Variants in HIF3A observed in about 807,000 individuals in gnomAD.
HIF3A encodes the protein hypoxia-inducible factor 3-alpha.
In HIF3A, 41 loss-of-function variants were observed where a neutral mutation model predicts 67.2. That is an observed-to-expected ratio of 0.61 (90% CI 0.48 to 0.79). HIF3A has a LOEUF of 0.79. HIF3A is among the 30% of genes least tolerant of loss of function. The pLI, the probability that HIF3A is intolerant of heterozygous loss-of-function variation, is 0.00. For synonymous variants in HIF3A, 356 were observed against 374.8 expected, an observed-to-expected ratio of 0.95 and a Z score of 0.58; for missense variants, 855 against 898.0, an observed-to-expected ratio of 0.95 and a Z score of 0.61.
Position 46,312,527 on chromosome 19 carries a change from T to TA in HIF3A, c.901dup (p.Thr301AsnfsTer76). 1 of 1,614,008 alleles carries TA rather than the reference T, an allele frequency of 6.2e-7. No individual in the cohort carries two copies. Among genetic ancestry groups the TA allele is most frequent in the Non-Finnish European group, 8.5e-7 (1 of 1,179,998 alleles). The stretch of plus-strand genomic sequence containing the variant: ...TCAGTGCTGAGCAAGGGCCAGGCAG[T>TA]AACAGGGCAGTATCGCTTCCTGGCC... On this transcript the variant is annotated frameshift_variant, in exon 8 of 15. Coordinates refer to ENST00000377670, the MANE Select transcript of HIF3A (RefSeq NM_152795.4). LOFTEE classifies it high-confidence loss of function.
rs1023810153 is a variant in HIF3A, at chr19:46,340,618, A to G, written c.*996A>G. On this transcript the variant is annotated 3_prime_UTR_variant, in exon 15 of 15. Transcript: ENST00000377670. ...TGGGTTCAAGTGATTCTCCTGCCTCAACTTCCCAAATAGCCGGGACTACGG... is the reference window on the plus strand; with the variant it reads ...TGGGTTCAAGTGATTCTCCTGCCTCGACTTCCCAAATAGCCGGGACTACGG... The G allele has an allele frequency of 1.3e-5, 2 of 151,954 alleles. No homozygotes were observed. Among genetic ancestry groups the G allele is most frequent in the African/African-American group, 4.8e-5 (2 of 41,292 alleles). The allele number at this position is 151,954 out of a possible 1,614,324, so 9.4% of individuals were successfully genotyped here.
intron 10 of HIF3A, 124 bp from the exon 11 acceptor site, chr19:46,325,411 C>A (rs1970708741): frequency 3.0e-6 from 2 of 664,276 alleles, no homozygotes; most frequent in South Asian, 1.7e-5. Flanking sequence ...TGCCGTTGGA[C>A]CCCCTTTGTG....
chr19:46,326,704 A>G (rs1051751290), intron 11 of HIF3A, among the ~76,000 whole-genome samples: 4 of 152,168 alleles, frequency 2.6e-5, no homozygotes, highest in Non-Finnish European at 4.4e-5. Context: ...GGGACAAGTC[A>G]TCTGTCACCC....
rs181982819 is a variant in HIF3A at position 46,339,685 on chromosome 19, C to T, written c.*63C>T. ...AAAGGACCTCAACCACACTCCACGC[C>T]GGCAGCCAACGCACAGGATGGGGGC... On this transcript the variant is annotated 3_prime_UTR_variant, in exon 15 of 15. Transcript: ENST00000377670. The T allele has an allele frequency of 3.4e-3, 4,125 of 1,223,358 alleles. 15 individuals are homozygous for T. Among genetic ancestry groups the T allele is most frequent in the Non-Finnish European group, 4.5e-3 (3,899 of 870,890 alleles). 75.8% of individuals were successfully genotyped at this position (1,223,358 alleles called of 1,614,324 possible). A position where few individuals can be genotyped will look rare whatever the true frequency, so the allele number is the denominator to read the frequency against.
At chr19:46,300,755 G>A (rs1407386707) in intron 1 of HIF3A, among the ~76,000 whole-genome samples, 1 of 152,204 alleles carries the variant, frequency 6.6e-6, no homozygotes, top group East Asian at 1.9e-4. Context: ...AGTCAGGATT[G>A]GAACCCTGAG....
rs376945631 is a variant in HIF3A, at chr19:46,308,211, T to A, written c.364-10T>A. On this transcript the variant is annotated splice_polypyrimidine_tract_variant and intron_variant, in intron 3 of 14. Transcript: ENST00000377670. The stretch of plus-strand genomic sequence containing the variant: ...CCCTGGTAGACCCCCACCCCTCTCA[T>A]CCCTGGCAGCTGGAGCTCATTGGAC... The A allele has an allele frequency of 6.2e-7, 1 of 1,608,196 alleles. No homozygotes were observed. The highest frequency in any genetic ancestry group is 8.5e-7 in the Non-Finnish European group (1 of 1,174,726).
At chr19:46,323,260 A>G (rs1176302555) in intron 10 of HIF3A, among the ~76,000 whole-genome samples, 1 of 151,858 alleles carries the variant, frequency 6.6e-6, no homozygotes, top group African/African-American at 2.4e-5. Context: ...CATGTTTGTC[A>G]GGCTGGTCTC....
In HIF3A at chr19:46,339,957, A is replaced by G. The variant is rs57235705; in HGVS notation, c.*335A>G. ...GCTTTATTTTGGGGAATCAGGGGTG[A>G]GGAGGGTTGGGGGGGTCATATCTGT... On this transcript the variant is annotated 3_prime_UTR_variant, in exon 15 of 15. Transcript: ENST00000377670. 956 of 259,584 alleles carry G rather than the reference A, an allele frequency of 3.7e-3. 10 individuals carry two copies. The highest frequency in any genetic ancestry group is 0.02 in the African/African-American group (916 of 45,264). The allele number at this position is 259,584 out of a possible 1,614,324, so 16.1% of individuals were successfully genotyped here. A position where few individuals can be genotyped will look rare whatever the true frequency, so the allele number is the denominator to read the frequency against.
intron 6 of HIF3A, among the ~76,000 whole-genome samples, chr19:46,311,000 C>T (rs917141171): frequency 2.0e-5 from 3 of 152,220 alleles, no homozygotes; most frequent in Non-Finnish European, 4.4e-5. Context: ...ATCGGCCCGC[C>T]TCGGCCTCCC....
rs145401391 is a variant in HIF3A at position 46,329,328 on chromosome 19, G to A, written c.1562G>A (p.Arg521Gln). ...CACAGACCTCTGGGGGCTGTCCCCC[G>A]GCCCCGTGCTCGGAGCTTCCATGGC... ...AYHRPLGAVPRPRARSFHGLS... is the reference protein window; with the variant it reads ...AYHRPLGAVPQPRARSFHGLS... The change falls in exon 12 of 15, where the codon CGG becomes CAG. Residue 521 changes from arginine (R) to glutamine (Q), a missense_variant. Physicochemically the swap from Arg to Gln is conservative, Grantham distance 43. Coordinates refer to ENST00000377670, the MANE Select transcript of HIF3A (RefSeq NM_152795.4). 3.2e-5 allele frequency: 51 copies of A among 1,613,102 alleles called. No homozygotes were observed. The highest frequency in any genetic ancestry group is 1.1e-4 in the South Asian group (10 of 91,058).
intron 10 of HIF3A, among the ~76,000 whole-genome samples, chr19:46,322,220 T>G (rs1970423553): frequency 6.6e-6 from 1 of 152,132 alleles, no homozygotes; most frequent in African/African-American, 2.4e-5. Flanking sequence ...CTCCTAATAA[T>G]GCAACAATCG....
At chr19:46,323,769 A>G (rs1046316489) in intron 10 of HIF3A, among the ~76,000 whole-genome samples, 3 of 152,174 alleles carry the variant, frequency 2.0e-5, no homozygotes, top group African/African-American at 4.8e-5. Flanking sequence ...TATGTCTTAC[A>G]TGGCGGCAGG....
At chr19:46,322,692 C>T (rs185940750) in intron 10 of HIF3A, among the ~76,000 whole-genome samples, 26 of 152,268 alleles carry the variant, frequency 1.7e-4, no homozygotes, top group African/African-American at 5.8e-4. Flanking sequence ...CTTCCGGCCT[C>T]GGCCTCCCAG....
chr19:46,309,403 G>A (rs753320728), intron 6 of HIF3A, 44 bp downstream of exon 6: 25 of 1,351,160 alleles, frequency 1.9e-5, no homozygotes, highest in Non-Finnish European at 2.5e-5. Context: ...TTCAAGTGCT[G>A]TTTCCCTCCC....
At chr19:46,329,614 C>A in intron 12 of HIF3A, 136 bp downstream of exon 12, 2 of 1,097,016 alleles carry the variant, frequency 1.8e-6, no homozygotes, top group Non-Finnish European at 2.5e-6. Context: ...GTGGGCCCAG[C>A]ACATGCCAAG....
At chr19:46,304,156 G>T in intron 2 of HIF3A, 68 bp downstream of exon 2, 1 of 1,397,862 alleles carries the variant, frequency 7.2e-7, no homozygotes, top group South Asian at 1.3e-5. Flanking sequence ...TACATCCCAG[G>T]GAGGCCCCTC....
intron 8 of HIF3A, among the ~76,000 whole-genome samples, chr19:46,315,958 C>T (rs887008969): frequency 2.6e-5 from 4 of 151,970 alleles, no homozygotes; most frequent in Middle Eastern, 3.4e-3. Flanking sequence ...GGACAGGGTG[C>T]GGTGGCTCAT....
At chr19:46,309,471 ATCTC>A (rs201943104) in intron 6 of HIF3A, 112 bp downstream of exon 6, 8 of 633,422 alleles carry the variant, frequency 1.3e-5, no homozygotes, top group Admixed American at 6.3e-5. Context: ...CACTTCATCC[ATCTC>A]TCTCTCTCTT....
intron 7 of HIF3A, 118 bp downstream of exon 7, chr19:46,312,385 C>T (rs1261682734): frequency 6.2e-7 from 1 of 1,609,238 alleles, no homozygotes; most frequent in Non-Finnish European, 8.5e-7. Context: ...AACACCAGCT[C>T]CCTGCTCCCC....
Sources: allele counts gnomAD v4.1 joint callset (sites outside exome capture counted in the v4.1 genomes callset), GRCh38; gene constraint gnomAD v4.1.1; transcripts MANE v1.5; gene names NCBI Gene and HGNC (gene_info 2026-07-23, HGNC 2026-07-21).